Variants in ZNF385B observed in about 807,000 individuals in gnomAD.
ZNF385B encodes zinc finger protein 385B, also known as zinc finger protein 533.
A neutral mutation model predicts 39.2 loss-of-function variants in ZNF385B; 23 were observed. The ratio of observed to expected loss-of-function variants is 0.59; its 90% CI spans 0.42 to 0.83. The LOEUF is 0.83. Ranked by LOEUF, ZNF385B falls within the 40% of genes least tolerant of loss-of-function variation. The probability of loss-of-function intolerance (pLI) is 0.00; values close to 1 mark genes in which losing one functional copy is unlikely to be tolerated. For synonymous variants in ZNF385B, 205 were observed against 222.6 expected, an observed-to-expected ratio of 0.92 and a Z score of 0.70; for missense variants, 552 against 598.9, an observed-to-expected ratio of 0.92 and a Z score of 0.82.
intron 3 of ZNF385B, among the ~76,000 whole-genome samples, chr2:179,560,994 G>T (rs1478745879): frequency 1.3e-5 from 2 of 152,154 alleles, no homozygotes; most frequent in Non-Finnish European, 2.9e-5. Flanking sequence ...GAAGGACAGG[G>T]ACAAGTTAGA....
intron 3 of ZNF385B, among the ~76,000 whole-genome samples, chr2:179,560,159 C>T (rs894809731): frequency 6.6e-6 from 1 of 151,948 alleles, no homozygotes; most frequent in Non-Finnish European, 1.5e-5. Flanking sequence ...CAAATAATTC[C>T]CTCCTATCCC....
intron 6 of ZNF385B, among the ~76,000 whole-genome samples, chr2:179,453,321 T>TAGAG (rs1004260034): frequency 6.6e-6 from 1 of 152,126 alleles, no homozygotes; most frequent in African/African-American, 2.4e-5. Context: ...TACAGCATGT[T>TAGAG]AGAGAAAGTT....
intron 1 of ZNF385B, among the ~76,000 whole-genome samples, chr2:179,859,931 G>C (rs1396812427): frequency 6.6e-6 from 1 of 152,150 alleles, no homozygotes; most frequent in African/African-American, 2.4e-5. Context: ...TCAAGCCAAA[G>C]CCTTTAACTT....
chr2:179,835,926 A>G (rs1708224160), intron 1 of ZNF385B, among the ~76,000 whole-genome samples: 1 of 152,162 alleles, frequency 6.6e-6, no homozygotes, highest in Admixed American at 6.5e-5. Context: ...CACCCTCTTC[A>G]CAAATCGTTA....
At chr2:179,654,107 T>A (rs967850701) in intron 3 of ZNF385B, among the ~76,000 whole-genome samples, 1 of 152,168 alleles carries the variant, frequency 6.6e-6, no homozygotes, top group African/African-American at 2.4e-5. Context: ...ATCATTCTCC[T>A]AAATCACCAA....
At chr2:179,568,895 T>C (rs2138197) in intron 3 of ZNF385B, among the ~76,000 whole-genome samples, 37,828 of 152,020 alleles carry the variant, frequency 0.25, 5,262 homozygotes, top group East Asian at 0.59. Flanking sequence ...TAAACACTTA[T>C]CCTAAACTGA....
intron 3 of ZNF385B, among the ~76,000 whole-genome samples, chr2:179,752,466 G>T (rs1389511460): frequency 6.6e-6 from 1 of 152,122 alleles, no homozygotes. Flanking sequence ...GGGATAGCTG[G>T]GTCAAATGGT....
chr2:179,764,629 T>G (rs1559173705), intron 3 of ZNF385B, among the ~76,000 whole-genome samples: 1 of 152,206 alleles, frequency 6.6e-6, no homozygotes, highest in Admixed American at 6.5e-5. Context: ...GTGGTTGCCA[T>G]TAATATTATA....
intron 1 of ZNF385B, among the ~76,000 whole-genome samples, chr2:179,852,386 G>A (rs1189876300): frequency 6.6e-6 from 1 of 152,140 alleles, no homozygotes; most frequent in Non-Finnish European, 1.5e-5. Context: ...CAAAAATACG[G>A]TGAGTCATGG....
At chr2:179,695,326 A>C (rs1698657563) in intron 3 of ZNF385B, among the ~76,000 whole-genome samples, 2 of 152,218 alleles carry the variant, frequency 1.3e-5, no homozygotes, top group African/African-American at 4.8e-5. Flanking sequence ...CAAAAGAAAA[A>C]AATAGATAAA....
intron 5 of ZNF385B, among the ~76,000 whole-genome samples, chr2:179,492,314 A>G (rs1028880854): frequency 8.5e-5 from 13 of 152,170 alleles, no homozygotes; most frequent in African/African-American, 2.2e-4. Flanking sequence ...TTGTTACTCA[A>G]TGATAAGTAA....
intron 1 of ZNF385B, among the ~76,000 whole-genome samples, chr2:179,798,907 C>A (rs190549641): frequency 2.5e-4 from 38 of 151,966 alleles, no homozygotes; most frequent in African/African-American, 9.2e-4. Context: ...AGGTTTTATT[C>A]AGGGAATTCT....
chr2:179,769,523 G>T lies in ZNF385B; in HGVS notation c.278C>A (p.Pro93His). Residue 93 changes from proline to histidine, a missense_variant, in exon 3 of 10, where the codon CCC (proline) becomes CAC (histidine). Transcript: ENST00000410066. The part of the protein sequence containing the change: ...GQPPPPAQAS[P>H]SSNSSTGSTC... Reference sequence around the variant, plus strand: ...CCTACCTGTGCTGCTGTTGCTGCTGGGGCTGGCCTGGGCGGGTGGTGGGGG... The same window carrying T: ...CCTACCTGTGCTGCTGTTGCTGCTGTGGCTGGCCTGGGCGGGTGGTGGGGG... The T allele has an allele frequency of 3.1e-6, 5 of 1,613,958 alleles. No individual in the cohort carries two copies. The highest frequency in any genetic ancestry group is 4.2e-6 in the Non-Finnish European group (5 of 1,179,998).
At chr2:179,772,376 G>C (rs182989955) in intron 1 of ZNF385B, among the ~76,000 whole-genome samples, 1 of 152,106 alleles carries the variant, frequency 6.6e-6, no homozygotes, top group African/African-American at 2.4e-5. Flanking sequence ...GGCCACTCTA[G>C]AAAAGACCCA....
intron 3 of ZNF385B, among the ~76,000 whole-genome samples, chr2:179,551,506 C>A (rs1274579990): frequency 2.2e-5 from 3 of 134,504 alleles, no homozygotes; most frequent in African/African-American, 9.3e-5. Flanking sequence ...CACCTAAGAT[C>A]TCATTATACT....
chr2:179,842,677 A>C (rs1177884780), intron 1 of ZNF385B, among the ~76,000 whole-genome samples: 1 of 151,980 alleles, frequency 6.6e-6, no homozygotes, highest in Non-Finnish European at 1.5e-5. Flanking sequence ...AGTCGAGGCC[A>C]CCATGAGCAG....
At chr2:179,628,001 G>A (rs1455742180) in intron 3 of ZNF385B, among the ~76,000 whole-genome samples, 2 of 151,996 alleles carry the variant, frequency 1.3e-5, no homozygotes, top group Non-Finnish European at 2.9e-5. Flanking sequence ...ATCAACATAT[G>A]GCCAACCTTA....
chr2:179,827,524 ATTAT>A (rs1490116385), intron 1 of ZNF385B, among the ~76,000 whole-genome samples: 1 of 152,184 alleles, frequency 6.6e-6, no homozygotes, highest in Non-Finnish European at 1.5e-5. Flanking sequence ...AATATAAATA[ATTAT>A]TTATTTGAAA....
chr2:179,655,494 A>G (rs1268737537), intron 3 of ZNF385B, among the ~76,000 whole-genome samples: 1 of 1,074 alleles, frequency 9.3e-4, no homozygotes, highest in African/African-American at 1.8e-3. Context: ...AAAGAAAGCA[A>G]AAAAAAAAAA....
Sources: gnomAD v4.1 joint callset for allele counts (sites outside exome capture counted in the v4.1 genomes callset) on GRCh38, gnomAD v4.1.1 for gene constraint, MANE v1.5 for transcripts, NCBI Gene and HGNC (gene_info 2026-07-23, HGNC 2026-07-21) for gene names.